The following NAV2 variants were observed in gnomAD, a reference collection of about 807,000 sequenced individuals.
NAV2 encodes the protein neuron navigator 2, also known as helicase, APC down-regulated 1.
Under a neutral mutation model 223.2 loss-of-function variants are expected in NAV2, and 54 were observed. The ratio of observed to expected loss-of-function variants is 0.24; its 90% CI spans 0.19 to 0.30. The LOEUF is 0.30. Ranked by LOEUF, NAV2 falls within the 10% of genes least tolerant of loss-of-function variation. The pLI, the probability that NAV2 is intolerant of heterozygous loss-of-function variation, is 1.00. For missense variants in NAV2, 2,806 were observed against 3,147.5 expected (o/e 0.89, Z 2.60); for synonymous variants, 1,279 against 1,239.3 (o/e 1.03, Z -0.67).
chr11:19,619,602 G>A (rs1350076867), intron 1 of NAV2, among the ~76,000 whole-genome samples: 2 of 152,104 alleles, frequency 1.3e-5, no homozygotes, highest in African/African-American at 4.8e-5. Context: ...CTTTTTGATG[G>A]GGTTGTTTGA....
At chr11:20,107,834 T>C (rs2153712196) in intron 36 of NAV2, 52 bp downstream of exon 36, 1 of 1,240,146 alleles carries the variant, frequency 8.1e-7, no homozygotes, top group Admixed American at 1.7e-5. Context: ...ACTGTTCTGG[T>C]GACCAGATGA....
chr11:20,048,969 C>T lies in NAV2; in HGVS notation c.4144C>T (p.Leu1382Phe), dbSNP rs1233117238. Residue 1382 changes from leucine to phenylalanine, a missense_variant, in exon 15 of 38, where the codon CTC becomes TTC. By Grantham distance (22) the Leu-to-Phe change is conservative (BLOSUM62 0). This residue lies in a region of NAV2 where 742 missense variants were observed against 777.9 expected (regional missense o/e 0.95). Coordinates refer to ENST00000349880, the MANE Select transcript of NAV2 (RefSeq NM_145117.5). ...SSAHSAPSNS[L>F]TWGTNASSSS... ...AGCCCACTCGGCCCCTTCCAACAGC[C>T]TCACCTGGGGCACCAACGCCAGCAG... 3.7e-6 allele frequency: 6 copies of T among 1,614,198 alleles called. No individual in the cohort carries two copies. The highest frequency in any genetic ancestry group is 5.1e-6 in the Non-Finnish European group (6 of 1,180,038).
intron 19 of NAV2, among the ~76,000 whole-genome samples, chr11:20,061,000 A>C (rs560176495): frequency 1.8e-4 from 28 of 152,308 alleles, no homozygotes; most frequent in South Asian, 1.7e-3. Flanking sequence ...CGTGGGTGGT[A>C]GATGAATGCC....
At chr11:19,978,873 G>A in intron 10 of NAV2, 1 of 152,120 alleles carries the variant, frequency 6.6e-6, no homozygotes. Flanking sequence ...CGCTTCTGAA[G>A]GTGACTCACA....
chr11:19,961,400 A>AC (rs774739289), intron 10 of NAV2, among the ~76,000 whole-genome samples: 3 of 152,224 alleles, frequency 2.0e-5, no homozygotes, highest in Non-Finnish European at 4.4e-5. Flanking sequence ...GAATATGAAA[A>AC]GAAACATTTG....
chr11:19,733,225 T>C (rs2051977179), intron 1 of NAV2, among the ~76,000 whole-genome samples: 1 of 152,250 alleles, frequency 6.6e-6, no homozygotes, highest in South Asian at 2.1e-4. Context: ...ATTTGCTGTG[T>C]GCTCAGCTCT....
chr11:19,464,597 A>G (rs1852283448), intron 1 of NAV2, among the ~76,000 whole-genome samples: 1 of 152,202 alleles, frequency 6.6e-6, no homozygotes, highest in African/African-American at 2.4e-5. Flanking sequence ...ATTTCCTTTC[A>G]TCTATAATAT....
At chr11:19,671,834 G>T (rs1168361922) in intron 1 of NAV2, among the ~76,000 whole-genome samples, 8 of 152,216 alleles carry the variant, frequency 5.3e-5, no homozygotes. Context: ...GCTGTAATTT[G>T]CCACCTCCTG....
chr11:19,605,821 C>T (rs1014239027), intron 1 of NAV2, among the ~76,000 whole-genome samples: 3 of 152,160 alleles, frequency 2.0e-5, no homozygotes, highest in African/African-American at 7.2e-5. Context: ...TCCTGGTATT[C>T]CAGGCCCCAG....
chr11:19,832,657 G>C, intron 2 of NAV2, 56 bp downstream of exon 2: 1 of 1,384,982 alleles, frequency 7.2e-7, no homozygotes. Context: ...ATCTCAAAAG[G>C]CCGGGGTGAG....
At chr11:19,781,604 A>G (rs1249439006) in intron 1 of NAV2, among the ~76,000 whole-genome samples, 1 of 152,172 alleles carries the variant, frequency 6.6e-6, no homozygotes, top group Non-Finnish European at 1.5e-5. Context: ...GTCCACAGCC[A>G]GGCTAACAAG....
intron 1 of NAV2, among the ~76,000 whole-genome samples, chr11:19,797,226 C>T (rs1241169513): frequency 1.3e-5 from 2 of 152,032 alleles, no homozygotes; most frequent in Non-Finnish European, 2.9e-5. Flanking sequence ...CCCTCCACCC[C>T]TCCTGGTCTT....
chr11:19,539,285 A>G (rs2044275006), intron 1 of NAV2, among the ~76,000 whole-genome samples: 2 of 152,126 alleles, frequency 1.3e-5, no homozygotes, highest in African/African-American at 4.8e-5. Flanking sequence ...TTGTTTGTCT[A>G]CTCGTTTTCA....
intron 10 of NAV2, 70 bp downstream of exon 10, chr11:19,949,150 G>A: frequency 3.4e-6 from 5 of 1,483,920 alleles, no homozygotes; most frequent in African/African-American, 1.4e-5. Context: ...CTTTTGTAGG[G>A]CTCTATTTGA....
intron 1 of NAV2, among the ~76,000 whole-genome samples, chr11:19,705,536 G>T (rs559104809): frequency 6.6e-6 from 1 of 152,136 alleles, no homozygotes; most frequent in African/African-American, 2.4e-5. Flanking sequence ...CAAGGGTGAT[G>T]GGGAAGAGGC....
At chr11:20,067,076 G>A (rs2059094525) in intron 20 of NAV2, among the ~76,000 whole-genome samples, 1 of 152,184 alleles carries the variant, frequency 6.6e-6, no homozygotes, top group Non-Finnish European at 1.5e-5. Flanking sequence ...CCTAGACACA[G>A]AGCCAGCATG....
chr11:19,441,616 G>A (rs1454372637), intron 1 of NAV2, among the ~76,000 whole-genome samples: 1 of 152,158 alleles, frequency 6.6e-6, no homozygotes, highest in African/African-American at 2.4e-5. Flanking sequence ...CTGTCTTATG[G>A]TGGGCACTTG....
chr11:19,466,522 G>C (rs115230141), intron 1 of NAV2, among the ~76,000 whole-genome samples: 1 of 152,222 alleles, frequency 6.6e-6, no homozygotes, highest in African/African-American at 2.4e-5. Flanking sequence ...TGTCCCAGAC[G>C]ATGAATTGCT....
chr11:19,620,229 A>T (rs1455614741), intron 1 of NAV2, among the ~76,000 whole-genome samples: 1 of 152,000 alleles, frequency 6.6e-6, no homozygotes, highest in East Asian at 1.9e-4. Context: ...CTTAGGATTG[A>T]CTTGGCAATG....
Sources: allele counts gnomAD v4.1 joint callset (sites outside exome capture counted in the v4.1 genomes callset), GRCh38; gene constraint gnomAD v4.1.1; regional missense constraint gnomAD v4.1.1; transcripts MANE v1.5; gene names NCBI Gene and HGNC (gene_info 2026-07-23, HGNC 2026-07-21).